Variants in ITPR3 observed in about 807,000 individuals in gnomAD.
The protein encoded by ITPR3 is inositol 1,4,5-trisphosphate receptor type 3.
Under a neutral mutation model 293.2 loss-of-function variants are expected in ITPR3, and 173 were observed. That is an observed-to-expected ratio of 0.59 (90% CI 0.52 to 0.67). The LOEUF is 0.67. Ranked by LOEUF, ITPR3 falls within the 30% of genes least tolerant of loss-of-function variation. The pLI, the probability that ITPR3 is intolerant of heterozygous loss-of-function variation, is 0.00. For synonymous variants in ITPR3, 1,295 were observed against 1,444.4 expected (o/e 0.90, Z 2.35); for missense variants, 2,796 against 3,592.1 (o/e 0.78, Z 5.66).
At chr6:33,635,971 G>A (rs1028858949) in intron 1 of ITPR3, among the ~76,000 whole-genome samples, 2 of 151,834 alleles carry the variant, frequency 1.3e-5, no homozygotes, top group Non-Finnish European at 1.5e-5. Flanking sequence ...TGGAGTGCTG[G>A]CCTGATTTGA....
chr6:33,681,114 CG>C (rs1765064657), intron 33 of ITPR3, among the ~76,000 whole-genome samples: 1 of 152,170 alleles, frequency 6.6e-6, no homozygotes, highest in African/African-American at 2.4e-5. Context: ...CCACCGCGCC[CG>C]GCCTAAGTAT....
Position 33,689,313 on chromosome 6 carries a change from A to G in ITPR3, c.6770A>G (p.Lys2257Arg), listed in dbSNP as rs779475050. 7 of 1,612,696 alleles carry G rather than the reference A, an allele frequency of 4.3e-6. No homozygotes were observed. The highest frequency in any genetic ancestry group is 2.7e-5 in the African/African-American group (2 of 74,910). Residue 2257 changes from lysine (K) to arginine (R), a missense_variant, in exon 50 of 58, where the codon AAG becomes AGG. Lys to Arg is a conservative substitution (Grantham distance 26). Around this residue, in one of 8 missense-constraint regions of ITPR3, gnomAD observed 568 missense variants for 796.1 expected, o/e 0.71. Transcript: ENST00000605930. ...TTCTCCATCGCGGCCCTGTTCACCA[A>G]GCGCTACAGCATCCGCCCCCTCATC... Reference protein sequence around the residue: ...ICFSIAALFTKRYSIRPLIVA... With the variant: ...ICFSIAALFTRRYSIRPLIVA...
chr6:33,688,492 A>G, intron 48 of ITPR3, 61 bp downstream of exon 48: 1 of 1,500,390 alleles, frequency 6.7e-7, no homozygotes, highest in Non-Finnish European at 8.9e-7. Context: ...GCCCTGTTAT[A>G]ACGGCCTCCT....
In ITPR3 at chr6:33,688,144, G is replaced by A. The variant is rs1765287855; in HGVS notation, c.6352G>A (p.Glu2118Lys). 6.2e-7 allele frequency: 1 copy of A among 1,614,044 alleles called. No homozygotes were observed. The highest frequency in any genetic ancestry group is 1.1e-5 in the South Asian group (1 of 91,088). ...EEEEDPLAYY[E>K]NHTSQIEIVR... ...GGAGGAAGACCCCCTGGCCTACTAT[G>A]AGAACCACACGTCCCAGATCGAGGT... The change falls in exon 47 of 58, where the codon GAG becomes AAG. Residue 2118 changes from glutamate (E) to lysine (K), a missense_variant. By Grantham distance (56) the Glu-to-Lys change is moderately conservative. Around this residue, in one of 8 missense-constraint regions of ITPR3, gnomAD observed 568 missense variants for 796.1 expected, o/e 0.71. Coordinates refer to ENST00000605930, the MANE Select transcript of ITPR3 (RefSeq NM_002224.4).
chr6:33,626,670 A>G (rs1440613977), intron 1 of ITPR3, among the ~76,000 whole-genome samples: 7 of 152,266 alleles, frequency 4.6e-5, no homozygotes, highest in Non-Finnish European at 5.9e-5. Context: ...CCCAAGGCAC[A>G]GGTCCAGCTT....
rs760825719 is a variant in ITPR3 at position 33,679,975 on chromosome 6, G to A, written c.4066G>A (p.Val1356Met). The A allele has an allele frequency of 6.6e-5, 106 of 1,613,772 alleles. No homozygotes were observed. The highest frequency in any genetic ancestry group is 2.8e-4 in the African/African-American group (21 of 74,932). ...CATGATGAAGGCCGCCCGCGACGGCGTGGAGGACCACAGCCCCCTCATGTA... is the reference window on the plus strand; with the variant it reads ...CATGATGAAGGCCGCCCGCGACGGCATGGAGGACCACAGCCCCCTCATGTA... ...LDMMKAARDG[V>M]EDHSPLMYHI... is the part of the protein sequence containing the mutation. Residue 1356 changes from valine to methionine, a missense_variant, in exon 31 of 58, where the codon GTG (valine) becomes ATG (methionine). Val to Met is a conservative substitution (Grantham distance 21, BLOSUM62 1). Transcript: ENST00000605930. This position sits in a 1 kb window ranked among gnomAD's most constrained non-coding sequence, Gnocchi z 4.2.
At chr6:33,629,082 G>A (rs1763613353) in intron 1 of ITPR3, among the ~76,000 whole-genome samples, 1 of 152,156 alleles carries the variant, frequency 6.6e-6, no homozygotes, top group African/African-American at 2.4e-5. Flanking sequence ...ACAGCCTGAG[G>A]CATAAATACA....
chr6:33,671,389 C>T, intron 21 of ITPR3, 83 bp downstream of exon 21: 1 of 973,928 alleles, frequency 1.0e-6, no homozygotes, highest in Non-Finnish European at 1.5e-6. Flanking sequence ...TCAACACCTT[C>T]CCCAGCCCCG....
In ITPR3 at chr6:33,679,804, C is replaced by G; in HGVS notation, c.3973-78C>G. The G allele has an allele frequency of 6.6e-7, 1 of 1,522,656 alleles. No homozygotes were observed. The allele number at this position is 1,522,656 out of a possible 1,614,324, so 94.3% of individuals were successfully genotyped here. ...GGCTGTGGTCAGAGTCCCAGTTTCTCCCTGGTAAGCAACGGAGAGGAGAGC... is the reference window on the plus strand; with the variant it reads ...GGCTGTGGTCAGAGTCCCAGTTTCTGCCTGGTAAGCAACGGAGAGGAGAGC... On this transcript the variant is annotated intron_variant, in intron 30 of 57. Coordinates refer to ENST00000605930, the MANE Select transcript of ITPR3 (RefSeq NM_002224.4). This position sits in a 1 kb window ranked among gnomAD's most constrained non-coding sequence, Gnocchi z 4.2.
intron 2 of ITPR3, among the ~76,000 whole-genome samples, chr6:33,642,896 T>C (rs1188578240): frequency 2.0e-5 from 3 of 152,234 alleles, no homozygotes; most frequent in Non-Finnish European, 4.4e-5. Flanking sequence ...GAGGCCCCTC[T>C]GGACTCCCTA....
At chr6:33,663,664 C>CA in intron 10 of ITPR3, 74 bp from the exon 11 acceptor site, 2 of 1,608,440 alleles carry the variant, frequency 1.2e-6, no homozygotes, top group Middle Eastern at 3.3e-4. Flanking sequence ...GATGGGATCT[C>CA]AGGTGGGATC....
At chr6:33,669,250 A>G in intron 18 of ITPR3, 94 bp downstream of exon 18, 1 of 1,325,306 alleles carries the variant, frequency 7.5e-7, no homozygotes. Flanking sequence ...GAGCTCTGAC[A>G]GCCTCAGGTG....
chr6:33,670,817 T>G lies in ITPR3; in HGVS notation c.2586+2T>G. On this transcript the variant is annotated splice_donor_variant, in intron 20 of 57. Coordinates refer to ENST00000605930, the MANE Select transcript of ITPR3 (RefSeq NM_002224.4). LOFTEE classifies it high-confidence loss of function. The surrounding 1 kb of genome is among the most constrained non-coding windows in gnomAD (Gnocchi z 6.7). Reference sequence around the variant, plus strand: ...GAGAAGAACAAGCTCACTTTTGAGGTGGCTGGGGGAGTGCCCAGGGGCTGG... The same window carrying G: ...GAGAAGAACAAGCTCACTTTTGAGGGGGCTGGGGGAGTGCCCAGGGGCTGG... The G allele has an allele frequency of 6.2e-7, 1 of 1,613,128 alleles. No homozygotes were observed. Among genetic ancestry groups the G allele is most frequent in the South Asian group, 1.1e-5 (1 of 91,062 alleles).
chr6:33,680,034 T>C lies in ITPR3; in HGVS notation c.4125T>C (p.Cys1375=). The C allele has an allele frequency of 6.2e-7, 1 of 1,613,878 alleles. No individual in the cohort carries two copies. Among genetic ancestry groups the C allele is most frequent in the Non-Finnish European group, 8.5e-7 (1 of 1,180,036 alleles). The change falls in exon 31 of 58, where the codon TGT becomes TGC. Residue 1375 remains cysteine, a synonymous_variant. Coordinates refer to ENST00000605930, the MANE Select transcript of ITPR3 (RefSeq NM_002224.4). ...CCCTGGTGGACCTGCTGGCCGCCTG[T>C]GCCGAGGGCAAAAACGTCTACACTG... ...HISLVDLLAA[C]AEGKNVYTEI... is the part of the protein sequence containing the mutation.
rs143158380 is a variant in ITPR3 at position 33,655,845 on chromosome 6, C to T, written c.240C>T (p.Asp80=). The part of the protein sequence containing the change: ...QYWKAKQTKQ[D]KEKIADVVLL... The stretch of plus-strand genomic sequence containing the variant: ...GGAAGGCCAAGCAGACTAAGCAGGA[C>T]AAGGAGAAGATCGCTGATGTGGTGT... The change falls in exon 3 of 58, where the codon GAC becomes GAT. Residue 80 remains aspartate (D), a synonymous_variant. Transcript: ENST00000605930. This position sits in a 1 kb window ranked among gnomAD's most constrained non-coding sequence, Gnocchi z 4.9. The T allele has an allele frequency of 6.2e-7, 1 of 1,613,966 alleles. No homozygotes were observed. The highest frequency in any genetic ancestry group is 8.5e-7 in the Non-Finnish European group (1 of 1,180,028).
At chr6:33,634,926 C>T (rs1011914880) in intron 1 of ITPR3, among the ~76,000 whole-genome samples, 1 of 152,086 alleles carries the variant, frequency 6.6e-6, no homozygotes, top group Non-Finnish European at 1.5e-5. Flanking sequence ...CGGCCTCTTC[C>T]TCTTTCCCCC....
At chr6:33,656,708 C>T (rs1245889815) in intron 3 of ITPR3, among the ~76,000 whole-genome samples, 1 of 152,212 alleles carries the variant, frequency 6.6e-6, no homozygotes, top group Admixed American at 6.5e-5. Context: ...CCCCAAACCA[C>T]AAAGAGAGTG....
chr6:33,656,592 C>T (rs1764311546), intron 3 of ITPR3, among the ~76,000 whole-genome samples: 1 of 152,204 alleles, frequency 6.6e-6, no homozygotes, highest in South Asian at 2.1e-4. Flanking sequence ...CTTCCTCAGA[C>T]ATGTGGATCG....
chr6:33,680,721 T>G, intron 33 of ITPR3, 41 bp downstream of exon 33: 3 of 1,584,960 alleles, frequency 1.9e-6, no homozygotes, highest in Non-Finnish European at 2.6e-6. Context: ...CCGACTTGCC[T>G]AGCTTTTGTG....
Sources: gnomAD v4.1 joint callset for allele counts (sites outside exome capture counted in the v4.1 genomes callset) on GRCh38, gnomAD v4.1.1 for gene constraint, gnomAD v4.1.1 regional missense constraint, Gnocchi (gnomAD v3.1) non-coding constraint, MANE v1.5 for transcripts, NCBI Gene and HGNC (gene_info 2026-07-23, HGNC 2026-07-21) for gene names.